POLDIP3: variants seen among roughly 807,000 people sequenced by gnomAD.
The protein encoded by POLDIP3 is polymerase delta-interacting protein 3.
A neutral mutation model predicts 45.1 loss-of-function variants in POLDIP3; 14 were observed. The ratio of observed to expected loss-of-function variants is 0.31; its 90% CI spans 0.20 to 0.49. The LOEUF is 0.49. Ranked by LOEUF, POLDIP3 falls within the 20% of genes least tolerant of loss-of-function variation. POLDIP3 has a pLI of 0.99. For missense variants in POLDIP3, 511 were observed against 538.8 expected, an observed-to-expected ratio of 0.95 and a Z score of 0.51; for synonymous variants, 223 against 205.2, an observed-to-expected ratio of 1.09 and a Z score of -0.74.
intron 1 of POLDIP3, among the ~76,000 whole-genome samples, chr22:42,606,388 T>A (rs1926730747): frequency 6.6e-6 from 1 of 151,546 alleles, no homozygotes; most frequent in Non-Finnish European, 1.5e-5. Flanking sequence ...CTCAGCACTT[T>A]GGAAAGCTGA....
In POLDIP3 at chr22:42,613,083, A is replaced by G. The variant is rs77102447; in HGVS notation, c.59+1716T>C. On this transcript the variant is annotated intron_variant, in intron 1 of 8. Transcript: ENST00000252115. ...CTAAAACCAAAAACATAGAGATCAAATAGACTACAGTGCAGTCCACCTGCA... is the reference window on the plus strand; with the variant it reads ...CTAAAACCAAAAACATAGAGATCAAGTAGACTACAGTGCAGTCCACCTGCA... 2.7e-3 allele frequency among the ~76,000 whole-genome samples: 413 copies of G among 152,292 alleles called. 1 individual carries two copies. Among genetic ancestry groups the G allele is most frequent in the Non-Finnish European group, 3.7e-3 (255 of 68,032 alleles).
At position 42,585,908 on chromosome 22, in the gene POLDIP3, A is replaced by G. The variant is rs1192675900; in HGVS notation, c.1149T>C (p.Ser383=). Residue 383 remains serine (S), a synonymous_variant, in exon 9 of 9, where the codon TCT becomes TCC. Transcript: ENST00000252115. ...CGGCAGGGGGGTTGGAGGAGGAGGC[A>G]GAGTTCACCCTGCGAGGCAGCTCGC... ...KESELPRRVN[S]ASSSNPPAEV... is the part of the protein sequence containing the mutation. 1 of 1,613,422 alleles carries G rather than the reference A, an allele frequency of 6.2e-7. No individual in the cohort carries two copies. The highest frequency in any genetic ancestry group is 1.3e-5 in the African/African-American group (1 of 74,902).
rs1054156078 is a variant in POLDIP3, at chr22:42,607,401, G to A, written c.60-4241C>T. ...GTGCCGGGATTGCAGACGGAGTCTC[G>A]CTCAATCAGTGCTCGTTGCCCAGGC... On this transcript the variant is annotated intron_variant, in intron 1 of 8. Transcript: ENST00000252115. Among the ~76,000 whole-genome samples, 5 of 152,352 alleles carry A rather than the reference G, an allele frequency of 3.3e-5. No homozygotes were observed. In the South Asian group the frequency reaches 6.2e-4, roughly 19 times the overall value.
At position 42,585,610 on chromosome 22, in the gene POLDIP3, A is replaced by C. The variant is rs545824405; in HGVS notation, c.*181T>G. On this transcript the variant is annotated 3_prime_UTR_variant, in exon 9 of 9. Transcript: ENST00000252115. ...CAGGAAACGTTAACGTAGAGAGAAG[A>C]GCACAGGGCAGAACACAACACAGAA... is the stretch of plus-strand genomic sequence containing the variant. 1 of 673,530 alleles carries C rather than the reference A, an allele frequency of 1.5e-6. No homozygotes were observed. The highest frequency in any genetic ancestry group is 2.6e-5 in the East Asian group (1 of 37,896). The allele number at this position is 673,530 out of a possible 1,614,324, so 41.7% of individuals were successfully genotyped here.
At position 42,585,681 on chromosome 22, in the gene POLDIP3, T is replaced by C; in HGVS notation, c.*110A>G. On this transcript the variant is annotated 3_prime_UTR_variant, in exon 9 of 9. Transcript: ENST00000252115. ...GGAAGCTCTTTATCCCTGGCAACCC[T>C]TCCCACAATCAGGGGTCTCCAGTCC... is the stretch of plus-strand genomic sequence containing the variant. The C allele has an allele frequency of 7.5e-7, 1 of 1,333,022 alleles. No homozygotes were observed. The highest frequency in any genetic ancestry group is 2.3e-5 in the East Asian group (1 of 43,050). The allele number at this position is 1,333,022 out of a possible 1,614,324, so 82.6% of individuals were successfully genotyped here.
rs1271048644 is a variant in POLDIP3, at chr22:42,601,877, C to T, written c.537+93G>A. ...ACCAACTGAGCAAGCCTCAGTCCAT[C>T]CACCCAAGTAGGCCTCATCAAAACA... On this transcript the variant is annotated intron_variant, in intron 3 of 8. Transcript: ENST00000252115. The T allele has an allele frequency of 2.8e-6, 4 of 1,422,364 alleles. No individual in the cohort carries two copies. In the African/African-American group the frequency reaches 5.6e-5, roughly 20 times the overall value. The allele number at this position is 1,422,364 out of a possible 1,614,324, so 88.1% of individuals were successfully genotyped here. A position where few individuals can be genotyped will look rare whatever the true frequency, so the allele number is the denominator to read the frequency against.
At chr22:42,614,057 C>T (rs555999133) in intron 1 of POLDIP3, among the ~76,000 whole-genome samples, 1 of 152,298 alleles carries the variant, frequency 6.6e-6, no homozygotes, top group South Asian at 2.1e-4. Flanking sequence ...TAACCAATCT[C>T]CTGCCCAACA....
intron 3 of POLDIP3, 133 bp from the exon 4 acceptor site, chr22:42,599,926 G>A (rs776934639): frequency 4.5e-5 from 29 of 639,966 alleles, no homozygotes; most frequent in Non-Finnish European, 5.8e-5. Context: ...CAGGGGTGAC[G>A]GTGCCTGGAA....
In POLDIP3 at chr22:42,602,057, C is replaced by T. The variant is rs756724560; in HGVS notation, c.451-1G>A. On this transcript the variant is annotated splice_acceptor_variant, in intron 2 of 8. Coordinates refer to ENST00000252115, the MANE Select transcript of POLDIP3 (RefSeq NM_032311.5). LOFTEE classifies it high-confidence loss of function. ...GTGCCATGGCTTTCTGCTGTGGAACCTGGAAACACTCAGTGGTCAGAATCC... is the reference window on the plus strand; with the variant it reads ...GTGCCATGGCTTTCTGCTGTGGAACTTGGAAACACTCAGTGGTCAGAATCC... The T allele has an allele frequency of 1.4e-5, 22 of 1,614,116 alleles. No individual in the cohort carries two copies. Among genetic ancestry groups the T allele is most frequent in the Non-Finnish European group, 1.9e-5 (22 of 1,179,994 alleles).
At chr22:42,597,640 C>G in intron 4 of POLDIP3, 1 of 455,282 alleles carries the variant, frequency 2.2e-6, no homozygotes. Context: ...GGCATTTATT[C>G]AATTAGGGTA....
intron 1 of POLDIP3, among the ~76,000 whole-genome samples, chr22:42,604,517 T>C (rs1364476645): frequency 6.6e-6 from 1 of 152,168 alleles, no homozygotes; most frequent in Non-Finnish European, 1.5e-5. Flanking sequence ...TGACCTGCTG[T>C]TAGAGGGTAA....
intron 6 of POLDIP3, 42 bp downstream of exon 6, chr22:42,595,495 G>C: frequency 6.4e-7 from 1 of 1,573,622 alleles, no homozygotes; most frequent in Non-Finnish European, 8.7e-7. Flanking sequence ...TTGCCACAGA[G>C]GCAGTTTGAG....
intron 2 of POLDIP3, among the ~76,000 whole-genome samples, chr22:42,602,518 T>C (rs1027929344): frequency 3.3e-5 from 5 of 152,200 alleles, no homozygotes; most frequent in Non-Finnish European, 5.9e-5. Flanking sequence ...CTTCCACCAG[T>C]ATCTCACCTG....
intron 7 of POLDIP3, among the ~76,000 whole-genome samples, chr22:42,591,700 T>A (rs928423357): frequency 1.3e-5 from 2 of 152,178 alleles, no homozygotes; most frequent in African/African-American, 4.8e-5. Context: ...CAAGACCCCT[T>A]AAGAGAACCA....
At chr22:42,587,476 T>C in intron 8 of POLDIP3, 30 bp downstream of exon 8, 3 of 1,593,826 alleles carry the variant, frequency 1.9e-6, no homozygotes, top group Non-Finnish European at 2.6e-6. Context: ...CGGAGCTGCC[T>C]CTCCCCAGCA....
At chr22:42,594,544 C>A (rs1051886599) in intron 6 of POLDIP3, among the ~76,000 whole-genome samples, 11 of 152,190 alleles carry the variant, frequency 7.2e-5, no homozygotes, top group African/African-American at 2.6e-4. Flanking sequence ...AAAGATTTAA[C>A]AAATGTAGTG....
chr22:42,599,890 A>G, intron 3 of POLDIP3, 97 bp from the exon 4 acceptor site: 2 of 875,834 alleles, frequency 2.3e-6, no homozygotes, highest in Admixed American at 4.8e-5. Flanking sequence ...TGCTGGAGAA[A>G]CAAAGGGACC....
intron 4 of POLDIP3, among the ~76,000 whole-genome samples, chr22:42,599,419 C>T (rs1011913989): frequency 2.0e-5 from 3 of 152,192 alleles, no homozygotes; most frequent in Admixed American, 2.0e-4. Context: ...GCCTGGCCAA[C>T]ATGGTGAAAC....
chr22:42,602,958 TGATTCGAAATCGG>T lies in POLDIP3; in HGVS notation c.249_261del (p.Arg84LysfsTer11). The T allele has an allele frequency of 6.2e-7, 1 of 1,614,098 alleles. No homozygotes were observed. Among genetic ancestry groups the T allele is most frequent in the African/African-American group, 1.3e-5 (1 of 74,990 alleles). On this transcript the variant is annotated frameshift_variant, in exon 2 of 9. Transcript: ENST00000252115. LOFTEE classifies it high-confidence loss of function. ...TCTCTGGCATCCTGCACTTTCCCTT[TGATTCGAAATCGG>T]GCATCTTTCTGCAAAAGCTTCTCCC...
Sources: allele counts gnomAD v4.1 joint callset (sites outside exome capture counted in the v4.1 genomes callset), GRCh38; gene constraint gnomAD v4.1.1; transcripts MANE v1.5; gene names NCBI Gene and HGNC (gene_info 2026-07-23, HGNC 2026-07-21).